Variants in FARS2 observed in about 807,000 individuals in gnomAD.
FARS2 encodes phenylalanine--tRNA ligase, mitochondrial.
In FARS2, 40 loss-of-function variants were observed where a neutral mutation model predicts 46.4. The observed-to-expected ratio is 0.86, with a 90% confidence interval of 0.67 to 1.12. The LOEUF is 1.12. Ranked by LOEUF, FARS2 falls within the 50% of genes most tolerant of loss-of-function variation. The probability of loss-of-function intolerance (pLI) is 0.00; values close to 1 mark genes in which losing one functional copy is unlikely to be tolerated. For synonymous variants in FARS2, 234 were observed against 214.9 expected, an observed-to-expected ratio of 1.09 and a Z score of -0.78; for missense variants, 513 against 567.9, an observed-to-expected ratio of 0.90 and a Z score of 0.98.
At chr6:5,414,846 C>T (rs1399143356) in intron 3 of FARS2, among the ~76,000 whole-genome samples, 8 of 122,584 alleles carry the variant, frequency 6.5e-5, no homozygotes, top group African/African-American at 2.2e-4. Context: ...GACAGAGTCT[C>T]ACTCTGTCAC....
intron 6 of FARS2, among the ~76,000 whole-genome samples, chr6:5,770,849 T>C (rs567439732): frequency 2.6e-5 from 4 of 152,282 alleles, no homozygotes; most frequent in African/African-American, 7.2e-5. Flanking sequence ...GCCTTGCTGA[T>C]ACTTCAGTTT....
At chr6:5,365,133 T>C (rs1758567455) in intron 1 of FARS2, among the ~76,000 whole-genome samples, 1 of 151,872 alleles carries the variant, frequency 6.6e-6, no homozygotes, top group African/African-American at 2.4e-5. Flanking sequence ...TGTAAATACT[T>C]ATTTCATTTT....
rs143099057 is a variant in FARS2, at chr6:5,690,760, A to G, written c.1217+77440A>G. Among the ~76,000 whole-genome samples, 213 of 152,266 alleles carry G rather than the reference A, an allele frequency of 1.4e-3. 9 individuals carry two copies. In the East Asian group the frequency reaches 0.04, roughly 28 times the overall value. The stretch of plus-strand genomic sequence containing the variant: ...ATGTTGGCCTCCCTTGCTAGATTGG[A>G]GAAGTTCTCCTGGATAATATCCTGC... On this transcript the variant is annotated intron_variant, in intron 6 of 6. Coordinates refer to ENST00000274680, the MANE Select transcript of FARS2 (RefSeq NM_006567.5).
intron 1 of FARS2, among the ~76,000 whole-genome samples, chr6:5,351,727 TGATATCATGA>T (rs1323143892): frequency 3.9e-5 from 6 of 152,134 alleles, no homozygotes; most frequent in African/African-American, 1.4e-4. Context: ...AAAATAAAGA[TGATATCATGA>T]GATGTGAGTA....
intron 4 of FARS2, among the ~76,000 whole-genome samples, chr6:5,453,125 T>A (rs1004901550): frequency 2.0e-5 from 3 of 152,204 alleles, no homozygotes; most frequent in Non-Finnish European, 4.4e-5. Context: ...TAAAGCATCC[T>A]TCGCTTAACT....
chr6:5,253,670 A>G, the FARS2 span, among the ~76,000 whole-genome samples: 1 of 152,146 alleles, frequency 6.6e-6, no homozygotes, highest in Non-Finnish European at 1.5e-5. Flanking sequence ...GTCGCCGGCC[A>G]TTGGAAGTTG....
chr6:5,617,584 A>C (rs749923190), intron 6 of FARS2, among the ~76,000 whole-genome samples: 1 of 152,220 alleles, frequency 6.6e-6, no homozygotes, highest in Non-Finnish European at 1.5e-5. Context: ...AAATTGGCCA[A>C]TGATTTGTAA....
intron 4 of FARS2, among the ~76,000 whole-genome samples, chr6:5,442,234 A>T (rs1183034021): frequency 6.6e-6 from 1 of 151,960 alleles, no homozygotes; most frequent in Admixed American, 6.6e-5. Context: ...TCTTTTGTTC[A>T]TTTTTGGGTG....
At chr6:5,697,030 A>C (rs542001608) in intron 6 of FARS2, among the ~76,000 whole-genome samples, 1 of 152,316 alleles carries the variant, frequency 6.6e-6, no homozygotes, top group South Asian at 2.1e-4. Flanking sequence ...AGGAGAAAAT[A>C]GTTTTTTTGG....
At chr6:5,482,135 CT>C (rs34255950) in intron 4 of FARS2, among the ~76,000 whole-genome samples, 45,190 of 149,072 alleles carry the variant, frequency 0.3, 7,252 homozygotes, top group East Asian at 0.56. Context: ...CAGCTTACAT[CT>C]TTTTTTTTTT....
At chr6:5,414,723 T>C (rs1218425944) in intron 3 of FARS2, among the ~76,000 whole-genome samples, 1 of 152,100 alleles carries the variant, frequency 6.6e-6, no homozygotes, top group African/African-American at 2.4e-5. Flanking sequence ...CTATAAATAT[T>C]TGTGGACAAG....
In FARS2 at chr6:5,419,422, A is replaced by G. The variant is rs1762418818; in HGVS notation, c.773-11619A>G. 3.3e-5 allele frequency among the ~76,000 whole-genome samples: 5 copies of G among 152,100 alleles called. No individual in the cohort carries two copies. The South Asian group carries it at 1.0e-3, about 31-fold the overall frequency. On this transcript the variant is annotated intron_variant, in intron 3 of 6. Coordinates refer to ENST00000274680, the MANE Select transcript of FARS2 (RefSeq NM_006567.5). The stretch of plus-strand genomic sequence containing the variant: ...ATTACTTAGCATTAGATTTGTCCAT[A>G]TGTTTTAGAATTTTGGGTTGCAGGG...
At chr6:5,374,605 G>A (rs1759260736) in intron 2 of FARS2, among the ~76,000 whole-genome samples, 1 of 151,934 alleles carries the variant, frequency 6.6e-6, no homozygotes, top group Non-Finnish European at 1.5e-5. Flanking sequence ...TATGAGGTTA[G>A]ACATGTTAAT....
chr6:5,429,271 AAG>A (rs759568469), intron 3 of FARS2, among the ~76,000 whole-genome samples: 54 of 152,202 alleles, frequency 3.5e-4, no homozygotes, highest in African/African-American at 6.3e-4. Flanking sequence ...CAGAGAAAAT[AAG>A]AGGGGGAAAT....
chr6:5,646,868 A>G (rs1270222480), intron 6 of FARS2, among the ~76,000 whole-genome samples: 1 of 152,200 alleles, frequency 6.6e-6, no homozygotes, highest in Admixed American at 6.5e-5. Flanking sequence ...TTTGATCCAC[A>G]GTTGGTTGAA....
At chr6:5,363,005 C>T (rs1286199101) in intron 1 of FARS2, among the ~76,000 whole-genome samples, 1 of 147,816 alleles carries the variant, frequency 6.8e-6, no homozygotes, top group African/African-American at 2.5e-5. Context: ...CGGCCCACTG[C>T]AAGCTCTGCC....
intron 3 of FARS2, among the ~76,000 whole-genome samples, chr6:5,415,107 G>A (rs1404672296): frequency 2.0e-5 from 3 of 151,374 alleles, no homozygotes; most frequent in African/African-American, 4.9e-5. Flanking sequence ...GTGAGCCACC[G>A]CACCCGGCCA....
At chr6:5,689,884 T>G (rs1053458214) in intron 6 of FARS2, among the ~76,000 whole-genome samples, 1 of 152,220 alleles carries the variant, frequency 6.6e-6, no homozygotes, top group South Asian at 2.1e-4. Context: ...TGGGTGCTCC[T>G]GTATTGGGTG....
intron 1 of FARS2, among the ~76,000 whole-genome samples, chr6:5,277,593 T>C (rs1336700510): frequency 6.6e-6 from 1 of 152,226 alleles, no homozygotes; most frequent in Non-Finnish European, 1.5e-5. Context: ...CGATATATCG[T>C]ATCATCTCTG....
Sources: allele counts gnomAD v4.1 joint callset (sites outside exome capture counted in the v4.1 genomes callset), GRCh38; gene constraint gnomAD v4.1.1; transcripts MANE v1.5; gene names NCBI Gene and HGNC (gene_info 2026-07-23, HGNC 2026-07-21).